The following MEGF11 variants were observed in gnomAD, a reference collection of about 807,000 sequenced individuals.
The protein encoded by MEGF11 is multiple epidermal growth factor-like domains protein 11.
MEGF11 carries 126 observed loss-of-function variants against 146.6 expected under a neutral mutation model. The observed-to-expected ratio is 0.86, with a 90% CI of 0.74 to 1.00. The LOEUF (loss-of-function observed/expected upper bound fraction) is 1.00. Among genes scored for constraint, MEGF11 ranks in the 50% least tolerant of loss-of-function variants. MEGF11 has a pLI of 0.00. For missense variants in MEGF11, 1,509 were observed against 1,521.2 expected, an observed-to-expected ratio of 0.99 and a Z score of 0.13; for synonymous variants, 532 against 583.4, an observed-to-expected ratio of 0.91 and a Z score of 1.27.
intron 1 of MEGF11, among the ~76,000 whole-genome samples, chr15:66,210,711 GA>G (rs1264726898): frequency 3.3e-5 from 5 of 152,230 alleles, no homozygotes; most frequent in African/African-American, 9.6e-5. Flanking sequence ...GGCCCAGGAA[GA>G]GGGGCTACCC....
intron 1 of MEGF11, among the ~76,000 whole-genome samples, chr15:66,128,707 A>G (rs1013690026): frequency 4.6e-5 from 7 of 152,154 alleles, no homozygotes; most frequent in Admixed American, 4.6e-4. Flanking sequence ...AAAATCGGCT[A>G]TAATTGCAGG....
chr15:66,111,866 T>G (rs1048750639), intron 4 of MEGF11, among the ~76,000 whole-genome samples: 3 of 152,136 alleles, frequency 2.0e-5, no homozygotes, highest in Admixed American at 2.0e-4. Context: ...TAAAATGATT[T>G]TATGGTATGT....
At chr15:65,968,245 A>G (rs188438391) in intron 8 of MEGF11, among the ~76,000 whole-genome samples, 1 of 152,304 alleles carries the variant, frequency 6.6e-6, no homozygotes, top group East Asian at 1.9e-4. Flanking sequence ...GAGCAGCTGA[A>G]GACCCAAATA....
chr15:66,034,855 A>G (rs967576740), intron 5 of MEGF11, among the ~76,000 whole-genome samples: 2 of 152,140 alleles, frequency 1.3e-5, no homozygotes, highest in African/African-American at 4.8e-5. Context: ...CTCATGCATG[A>G]ATTCATGTCA....
chr15:66,090,655 G>A (rs2086284184), intron 5 of MEGF11, among the ~76,000 whole-genome samples: 1 of 152,184 alleles, frequency 6.6e-6, no homozygotes, highest in Admixed American at 6.5e-5. Context: ...CACGAATCTT[G>A]GAAAAAGGAC....
chr15:66,238,253 G>A (rs143359374), intron 1 of MEGF11, among the ~76,000 whole-genome samples: 171 of 148,364 alleles, frequency 1.2e-3, no homozygotes, highest in African/African-American at 3.8e-3. Flanking sequence ...GGCCAGAAAC[G>A]CCTGCCCACC....
In MEGF11 at chr15:65,896,944, C is replaced by T. The variant is rs866735179; in HGVS notation, c.*990G>A. 1 of 152,178 alleles carries T rather than the reference C, an allele frequency of 6.6e-6. No individual in the cohort carries two copies. The highest frequency in any genetic ancestry group is 1.9e-4 in the East Asian group (1 of 5,202). 9.4% of individuals were successfully genotyped at this position (152,178 alleles called of 1,614,324 possible). On this transcript the variant is annotated 3_prime_UTR_variant, in exon 26 of 26. Coordinates refer to ENST00000395614, the MANE Select transcript of MEGF11 (RefSeq NM_001385028.1). ...CCACATTTGTCCAATTTCCTGTATACTTTTAGGTTTCATACTACGTCAATC... is the reference window on the plus strand; with the variant it reads ...CCACATTTGTCCAATTTCCTGTATATTTTTAGGTTTCATACTACGTCAATC...
At chr15:65,981,488 A>AGT (rs2081637283) in intron 6 of MEGF11, among the ~76,000 whole-genome samples, 1 of 151,970 alleles carries the variant, frequency 6.6e-6, no homozygotes, top group Non-Finnish European at 1.5e-5. Flanking sequence ...CCTCTAGCTC[A>AGT]CTAGGACTTG....
intron 1 of MEGF11, among the ~76,000 whole-genome samples, chr15:66,251,569 CAG>C (rs1478876776): frequency 6.6e-6 from 1 of 152,206 alleles, no homozygotes; most frequent in African/African-American, 2.4e-5. Flanking sequence ...CCCGAAAATC[CAG>C]AGACAGGTCC....
At chr15:66,023,980 G>C (rs2083246372) in intron 5 of MEGF11, among the ~76,000 whole-genome samples, 1 of 152,180 alleles carries the variant, frequency 6.6e-6, no homozygotes, top group Non-Finnish European at 1.5e-5. Context: ...CTAGGGCTGG[G>C]ACCAGGGCAG....
intron 8 of MEGF11, among the ~76,000 whole-genome samples, chr15:65,965,971 A>C (rs970391953): frequency 6.6e-6 from 1 of 152,172 alleles, no homozygotes; most frequent in South Asian, 2.1e-4. Context: ...GCACCCATTA[A>C]ACAAAAAACT....
chr15:66,228,131 G>T (rs1446387324), intron 1 of MEGF11, among the ~76,000 whole-genome samples: 1 of 152,144 alleles, frequency 6.6e-6, no homozygotes, highest in Non-Finnish European at 1.5e-5. Context: ...CTTCTCTGGG[G>T]CTGGAAAGCT....
chr15:66,202,654 C>G (rs940310411), intron 1 of MEGF11, among the ~76,000 whole-genome samples: 4 of 152,238 alleles, frequency 2.6e-5, no homozygotes, highest in Admixed American at 6.5e-5. Context: ...CCAACCAATA[C>G]AGAATGTCGA....
chr15:66,067,189 A>G (rs1443974394), intron 5 of MEGF11, among the ~76,000 whole-genome samples: 1 of 152,240 alleles, frequency 6.6e-6, no homozygotes, highest in Non-Finnish European at 1.5e-5. Context: ...AGATGGATTT[A>G]TGAAGCTTTG....
rs188591121 is a variant in MEGF11, at chr15:65,954,924, G to A, written c.1287+2623C>T. On this transcript the variant is annotated intron_variant, in intron 10 of 25. Coordinates refer to ENST00000395614, the MANE Select transcript of MEGF11 (RefSeq NM_001385028.1). ...CACAGACAATGTATATGACCAGACCGTAAAACCCTCAATGAGCTTCCCACT... is the reference window on the plus strand; with the variant it reads ...CACAGACAATGTATATGACCAGACCATAAAACCCTCAATGAGCTTCCCACT... 4.5e-4 allele frequency among the ~76,000 whole-genome samples: 69 copies of A among 152,268 alleles called. No individual in the cohort carries two copies. The East Asian group carries it at 0.01, about 23-fold the overall frequency.
intron 8 of MEGF11, among the ~76,000 whole-genome samples, chr15:65,965,600 C>CTTTCTTTCTTTTTTTTTTTTT (rs1555456992): frequency 5.3e-5 from 1 of 18,880 alleles, no homozygotes; most frequent in Non-Finnish European, 9.0e-5. Context: ...TTCTTTCTTT[C>CTTTCTTTCTTTTTTTTTTTTT]TTTTTTTTTT....
chr15:65,970,478 T>G, intron 8 of MEGF11, 75 bp downstream of exon 8: 65 of 1,492,040 alleles, frequency 4.4e-5, no homozygotes, highest in Non-Finnish European at 5.7e-5. Context: ...GAGAGGGCTA[T>G]GAGCTGTTCT....
intron 1 of MEGF11, among the ~76,000 whole-genome samples, chr15:66,149,790 C>T (rs1567264087): frequency 6.6e-6 from 1 of 152,142 alleles, no homozygotes; most frequent in Non-Finnish European, 1.5e-5. Flanking sequence ...GATAGAAATA[C>T]ACCATCCACT....
intron 10 of MEGF11, among the ~76,000 whole-genome samples, chr15:65,946,475 G>A (rs1017739172): frequency 6.6e-6 from 1 of 152,126 alleles, no homozygotes; most frequent in African/African-American, 2.4e-5. Flanking sequence ...GCGTGATCTC[G>A]GCTCACTGCA....
Sources: gnomAD v4.1 joint callset for allele counts (sites outside exome capture counted in the v4.1 genomes callset) on GRCh38, gnomAD v4.1.1 for gene constraint, MANE v1.5 for transcripts, NCBI Gene and HGNC (gene_info 2026-07-23, HGNC 2026-07-21) for gene names.